The following C1orf202 variants were observed in gnomAD, a reference collection of about 807,000 sequenced individuals.
C1orf202 encodes the protein uncharacterized protein C1orf202.
At chr1:244,730,785 C>G in the C1orf202 span, 16 of 378,398 alleles carry the variant, frequency 4.2e-5, no homozygotes, top group Non-Finnish European at 6.6e-5. Context: ...CAGGAGCCGC[C>G]GTCGCCGGCC....
At chr1:244,730,468 G>C in the C1orf202 span, 1 of 344,808 alleles carries the variant, frequency 2.9e-6, no homozygotes, top group Non-Finnish European at 5.2e-6. Context: ...ACCGGCGGCG[G>C]GGCTGGCGCG....
At chr1:244,729,915 A>T in the C1orf202 span, 1 of 151,798 alleles carries the variant, frequency 6.6e-6, no homozygotes, top group East Asian at 2.0e-4. Context: ...GAAGCTCAGC[A>T]TCCTGCTTTA....
chr1:244,730,792 G>GGCCACCGCGCGCCGCCC, the C1orf202 span: 2 of 377,852 alleles, frequency 5.3e-6, no homozygotes, highest in South Asian at 1.3e-4. Flanking sequence ...CGCCGTCGCC[G>GGCCACCGCGCGCCGCCC]GCCACCGCGC....
the C1orf202 span, chr1:244,730,769 C>A: frequency 5.2e-6 from 2 of 381,128 alleles, no homozygotes; most frequent in Non-Finnish European, 9.3e-6. Context: ...GCACCAGCAC[C>A]CAGAGCAGGA....
the C1orf202 span, chr1:244,730,980 T>C: frequency 8.6e-5 from 31 of 361,550 alleles, no homozygotes; most frequent in Non-Finnish European, 1.5e-4. Flanking sequence ...ACCGTCGGGC[T>C]GGACAACAAC....
the C1orf202 span, chr1:244,730,531 G>A: frequency 5.5e-6 from 2 of 365,344 alleles, no homozygotes; most frequent in East Asian, 3.9e-5. Flanking sequence ...GTCCGGCCGC[G>A]GCCTCGTGGC....
chr1:244,730,912 G>C, the C1orf202 span: 1 of 384,734 alleles, frequency 2.6e-6, no homozygotes, highest in Non-Finnish European at 4.6e-6. Flanking sequence ...CACCAAACCG[G>C]GGGGCCGCCA....
the C1orf202 span, chr1:244,730,752 G>A: frequency 3.6e-3 from 1,362 of 382,062 alleles, 10 homozygotes; most frequent in African/African-American, 0.026. Context: ...CGGAACAGCC[G>A]CCGCCAGCAC....
At chr1:244,730,932 C>G in the C1orf202 span, 42 of 383,836 alleles carry the variant, frequency 1.1e-4, no homozygotes, top group East Asian at 1.5e-3. Flanking sequence ...ATGGCCCGCG[C>G]AGGCCTCTTC....
the C1orf202 span, chr1:244,730,458 A>C: frequency 5.8e-6 from 2 of 344,446 alleles, no homozygotes; most frequent in Non-Finnish European, 1.0e-5. Flanking sequence ...CTCGTGGCTG[A>C]CCGGCGGCGG....
the C1orf202 span, chr1:244,730,597 C>T: frequency 5.2e-6 from 2 of 382,606 alleles, no homozygotes; most frequent in Middle Eastern, 6.7e-4. Context: ...GGTCCGGCCG[C>T]TCCTTGCGCC....
the C1orf202 span, chr1:244,729,870 T>C: frequency 1.5e-5 from 2 of 135,860 alleles, no homozygotes; most frequent in Non-Finnish European, 1.6e-5. Flanking sequence ...AACAAAAGCA[T>C]AAAAGTAGAG....
the C1orf202 span, chr1:244,730,664 G>T: frequency 2.6e-6 from 1 of 384,794 alleles, no homozygotes; most frequent in Non-Finnish European, 4.6e-6. Context: ...CAGGCTCGAG[G>T]GGCCCCACAG....
chr1:244,730,692 C>T, the C1orf202 span: 1 of 384,008 alleles, frequency 2.6e-6, no homozygotes, highest in Non-Finnish European at 4.6e-6. Flanking sequence ...TCCGGGGCCT[C>T]CTTGCCTGCG....
the C1orf202 span, chr1:244,730,216 C>T: frequency 8.8e-6 from 2 of 226,778 alleles, no homozygotes; most frequent in Admixed American, 5.7e-5. Flanking sequence ...CACCCGCAGG[C>T]TTTAGTTACT....
chr1:244,730,641 G>A, the C1orf202 span: 1 of 386,020 alleles, frequency 2.6e-6, no homozygotes, highest in Non-Finnish European at 4.6e-6. Context: ...GCCAGCCTCT[G>A]AAGCAGCCTC....
the C1orf202 span, chr1:244,730,521 G>C: frequency 2.8e-6 from 1 of 362,418 alleles, no homozygotes; most frequent in East Asian, 4.0e-5. Context: ...CTGCTCTGGG[G>C]TCCGGCCGCG....
chr1:244,730,485 C>A, the C1orf202 span: 2 of 344,602 alleles, frequency 5.8e-6, no homozygotes, highest in Non-Finnish European at 1.0e-5. Context: ...CGCGCGGGGG[C>A]GGCCTGCGCG....
the C1orf202 span, chr1:244,730,656 G>A: frequency 2.6e-6 from 1 of 384,932 alleles, no homozygotes; most frequent in Non-Finnish European, 4.6e-6. Flanking sequence ...AGCCTCTGCA[G>A]GCTCGAGGGG....
Sources: allele counts gnomAD v4.1 joint callset, GRCh38; gene constraint gnomAD v4.1.1; transcripts MANE v1.5; gene names NCBI Gene and HGNC (gene_info 2026-07-23, HGNC 2026-07-21).